XKR6: variants seen among roughly 807,000 people sequenced by gnomAD.
The protein encoded by XKR6 is XK-related protein 6.
XKR6 carries 22 observed loss-of-function variants against 56.7 expected under a neutral mutation model. The ratio of observed to expected loss-of-function variants is 0.39; its 90% CI spans 0.28 to 0.55. The LOEUF is 0.55. Among genes scored for constraint, XKR6 ranks in the 20% least tolerant of loss-of-function variants. XKR6 has a pLI of 0.66. For missense variants in XKR6, 852 were observed against 889.0 expected, an observed-to-expected ratio of 0.96 and a Z score of 0.53; for synonymous variants, 524 against 387.8, an observed-to-expected ratio of 1.35 and a Z score of -4.13.
At position 10,965,387 on chromosome 8, in the gene XKR6, A is replaced by G. The variant is rs564584336; in HGVS notation, c.765-40557T>C. ...CCCCAGGGATCTGGGGGCCCCACAG[A>G]CTTTCCCACTCAAGACACAGCCTAG... On this transcript the variant is annotated intron_variant, in intron 1 of 2. Transcript: ENST00000416569. Among the ~76,000 whole-genome samples, 17 of 152,254 alleles carry G rather than the reference A, an allele frequency of 1.1e-4. No individual in the cohort carries two copies. The South Asian group carries it at 3.5e-3, about 32-fold the overall frequency.
chr8:10,995,680 C>A (rs1798095179), intron 1 of XKR6, among the ~76,000 whole-genome samples: 1 of 138,324 alleles, frequency 7.2e-6, no homozygotes, highest in Non-Finnish European at 1.5e-5. Flanking sequence ...AGAGTGAGAC[C>A]CTATCTCCCC....
chr8:10,991,933 G>C (rs1344736980), intron 1 of XKR6, among the ~76,000 whole-genome samples: 2 of 152,178 alleles, frequency 1.3e-5, no homozygotes, highest in East Asian at 3.8e-4. Context: ...AATAAACCTG[G>C]ATAATTCTAT....
At chr8:11,144,223 A>AGTGTATGTGTGTGT (rs1554471228) in intron 1 of XKR6, among the ~76,000 whole-genome samples, 1 of 136,422 alleles carries the variant, frequency 7.3e-6, no homozygotes, top group Admixed American at 7.5e-5. Flanking sequence ...TTAAATAAAA[A>AGTGTATGTGTGTGT]GTGTGTGTGT....
At chr8:11,032,853 C>T (rs989079821) in intron 1 of XKR6, among the ~76,000 whole-genome samples, 4 of 152,168 alleles carry the variant, frequency 2.6e-5, no homozygotes, top group Non-Finnish European at 5.9e-5. Context: ...CTGGCCCTCC[C>T]CTCATGAGCA....
At chr8:10,914,360 G>T (rs778719477) in intron 2 of XKR6, among the ~76,000 whole-genome samples, 22 of 152,136 alleles carry the variant, frequency 1.4e-4, no homozygotes, top group African/African-American at 1.9e-4. Context: ...TAAACAAGAA[G>T]ATAGTATTCG....
intron 1 of XKR6, among the ~76,000 whole-genome samples, chr8:11,147,764 TAGAA>T (rs1801064272): frequency 6.6e-6 from 1 of 151,808 alleles, no homozygotes; most frequent in Non-Finnish European, 1.5e-5. Context: ...ACACACCTAA[TAGAA>T]AGGCTGGAAT....
intron 1 of XKR6, chr8:11,137,329 G>A (rs1460627430): frequency 6.3e-6 from 2 of 318,384 alleles, no homozygotes; most frequent in South Asian, 2.6e-5. Context: ...GAGCATAAGT[G>A]AGAAAAAGAA....
intron 1 of XKR6, chr8:11,194,656 G>GCATCCCACAGAATCTTTC (rs892770226): frequency 6.5e-6 from 1 of 152,826 alleles, no homozygotes; most frequent in East Asian, 1.9e-4. Flanking sequence ...GTTTCTTTTT[G>GCATCCCACAGAATCTTTC]CATCCCACAG....
At chr8:11,194,015 A>G (rs1349977282) in intron 1 of XKR6, among the ~76,000 whole-genome samples, 4 of 152,188 alleles carry the variant, frequency 2.6e-5, no homozygotes, top group African/African-American at 9.6e-5. Context: ...AAATGTCCCT[A>G]TACATAGGTG....
intron 1 of XKR6, among the ~76,000 whole-genome samples, chr8:11,196,359 C>G (rs948710308): frequency 1.3e-5 from 2 of 152,130 alleles, no homozygotes; most frequent in Non-Finnish European, 2.9e-5. Context: ...TTATTGAACA[C>G]TGTTTTGAAT....
chr8:11,074,469 A>G (rs570308584), intron 1 of XKR6, among the ~76,000 whole-genome samples: 10 of 152,238 alleles, frequency 6.6e-5, no homozygotes, highest in Admixed American at 2.6e-4. Flanking sequence ...TATTCAATCA[A>G]TCATTTCCTG....
chr8:10,916,694 G>A (rs1200305595), intron 2 of XKR6, among the ~76,000 whole-genome samples: 2 of 152,188 alleles, frequency 1.3e-5, no homozygotes, highest in East Asian at 3.9e-4. Flanking sequence ...CATGTGGGAT[G>A]CTTTTCATCC....
intron 1 of XKR6, among the ~76,000 whole-genome samples, chr8:11,136,065 C>T (rs1800374444): frequency 6.6e-6 from 1 of 152,078 alleles, no homozygotes; most frequent in African/African-American, 2.4e-5. Flanking sequence ...TAAATTATTG[C>T]CATTTTTTTT....
rs372961357 is a variant in XKR6, at chr8:11,042,482, T to C, written c.765-117652A>G. On this transcript the variant is annotated intron_variant, in intron 1 of 2. Transcript: ENST00000416569. ...GGGCAGTTCCCCTGCACATACTCTGTTGTCTGCCACCATGTAAGACATGAC... is the reference window on the plus strand; with the variant it reads ...GGGCAGTTCCCCTGCACATACTCTGCTGTCTGCCACCATGTAAGACATGAC... Among the ~76,000 whole-genome samples the C allele has an allele frequency of 1.3e-4, 20 of 152,334 alleles. No individual in the cohort carries two copies. The East Asian group carries it at 3.7e-3, about 28-fold the overall frequency.
chr8:11,089,009 G>T (rs890307350), intron 1 of XKR6, among the ~76,000 whole-genome samples: 1 of 152,196 alleles, frequency 6.6e-6, no homozygotes, highest in Non-Finnish European at 1.5e-5. Flanking sequence ...GGCTTTGAAA[G>T]GGGTGTCATA....
At chr8:11,054,145 T>C (rs536771838) in intron 1 of XKR6, among the ~76,000 whole-genome samples, 10 of 152,288 alleles carry the variant, frequency 6.6e-5, no homozygotes, top group South Asian at 2.1e-4. Context: ...GCAGGTGTCA[T>C]TGCGGGTGGT....
intron 2 of XKR6, among the ~76,000 whole-genome samples, chr8:10,907,210 G>C (rs1006399884): frequency 1.3e-5 from 2 of 152,132 alleles, no homozygotes; most frequent in African/African-American, 4.8e-5. Context: ...AGGAGGATTT[G>C]GATATCTCAG....
chr8:11,090,734 T>C (rs1412206722), intron 1 of XKR6, among the ~76,000 whole-genome samples: 1 of 151,458 alleles, frequency 6.6e-6, no homozygotes, highest in Non-Finnish European at 1.5e-5. Flanking sequence ...TTGGGTCTTT[T>C]TTTCCTTATT....
rs2117178666 is a variant in XKR6 at position 11,201,345 on chromosome 8, C to T, written c.-6G>A. The T allele has an allele frequency of 2.0e-6, 3 of 1,463,934 alleles. No individual in the cohort carries two copies. The highest frequency in any genetic ancestry group is 1.5e-5 in the African/African-American group (1 of 66,412). 90.7% of individuals were successfully genotyped at this position (1,463,934 alleles called of 1,614,324 possible). On this transcript the variant is annotated 5_prime_UTR_variant, in exon 1 of 3. Coordinates refer to ENST00000416569, the MANE Select transcript of XKR6 (RefSeq NM_173683.4). ...CCATCGGATTTCGCCGCCATCTTGACTCTCTTCCCAGCTCCGGAGGTTGGG... is the reference window on the plus strand; with the variant it reads ...CCATCGGATTTCGCCGCCATCTTGATTCTCTTCCCAGCTCCGGAGGTTGGG...
Sources: gnomAD v4.1 joint callset for allele counts (sites outside exome capture counted in the v4.1 genomes callset) on GRCh38, gnomAD v4.1.1 for gene constraint, MANE v1.5 for transcripts, NCBI Gene and HGNC (gene_info 2026-07-23, HGNC 2026-07-21) for gene names.